Variants in PRKN observed in about 807,000 individuals in gnomAD.
PRKN encodes E3 ubiquitin-protein ligase parkin.
A neutral mutation model predicts 59.5 loss-of-function variants in PRKN; 56 were observed. The observed-to-expected ratio is 0.94, with a 90% CI of 0.76 to 1.18. The LOEUF (loss-of-function observed/expected upper bound fraction) is 1.18. PRKN is among the 50% of genes most tolerant of loss of function. The pLI is 0.00. For missense variants in PRKN, 657 were observed against 596.4 expected (o/e 1.10, Z -1.06); for synonymous variants, 250 against 222.1 (o/e 1.13, Z -1.12).
At chr6:162,528,323 G>GA (rs35973128) in intron 1 of PRKN, among the ~76,000 whole-genome samples, 51,275 of 135,582 alleles carry the variant, frequency 0.38, 10,525 homozygotes, top group Middle Eastern at 0.53. Flanking sequence ...CGTCTCAAAA[G>GA]AAAAAAAAAA....
chr6:161,927,677 A>G (rs1683572090), intron 6 of PRKN, among the ~76,000 whole-genome samples: 1 of 152,164 alleles, frequency 6.6e-6, no homozygotes, highest in Non-Finnish European at 1.5e-5. Flanking sequence ...AGTGGTTACT[A>G]AAAAATTACT....
At position 162,380,607 on chromosome 6, in the gene PRKN, T is replaced by C. The variant is rs1056791240; in HGVS notation, c.171+62703A>G. Among the ~76,000 whole-genome samples, 3 of 150,776 alleles carry C rather than the reference T, an allele frequency of 2.0e-5. No individual in the cohort carries two copies. In the East Asian group the frequency reaches 5.9e-4, roughly 30 times the overall value. ...TTGCACAAAGACACAGGAGAGGTGG[T>C]ATCAAGTAGTGGAAGGAGTTGTGGC... On this transcript the variant is annotated intron_variant, in intron 2 of 11. Transcript: ENST00000366898.
intron 1 of PRKN, among the ~76,000 whole-genome samples, chr6:162,473,730 A>G (rs1225874315): frequency 6.6e-6 from 1 of 152,138 alleles, no homozygotes; most frequent in Non-Finnish European, 1.5e-5. Context: ...GGGACTGTCC[A>G]TATGTGGCTA....
intron 1 of PRKN, among the ~76,000 whole-genome samples, chr6:162,560,878 T>C (rs1779811357): frequency 3.7e-5 from 1 of 27,196 alleles, no homozygotes; most frequent in African/African-American, 1.6e-4. Flanking sequence ...CCCAGGTCAT[T>C]ATAAAACATG....
chr6:162,002,723 A>G (rs1225987586), intron 5 of PRKN, among the ~76,000 whole-genome samples: 1 of 152,004 alleles, frequency 6.6e-6, no homozygotes, highest in African/African-American at 2.4e-5. Flanking sequence ...ATAGAAACTG[A>G]GATGATTTAT....
chr6:162,602,122 AG>A lies in PRKN; in HGVS notation c.7+125539del, dbSNP rs533935697. 5.5e-3 allele frequency among the ~76,000 whole-genome samples: 845 copies of A among 152,320 alleles called. 6 individuals are homozygous for A. Among genetic ancestry groups the A allele is most frequent in the Non-Finnish European group, 9.4e-3 (637 of 68,038 alleles). On this transcript the variant is annotated intron_variant, in intron 1 of 11. Coordinates refer to ENST00000366898, the MANE Select transcript of PRKN (RefSeq NM_004562.3). ...GGACGGGTATCCCCGCATGGTGCCC[AG>A]GGAGCGTGCAGGAGAGAGCACCTCC... is the stretch of plus-strand genomic sequence containing the variant.
intron 7 of PRKN, among the ~76,000 whole-genome samples, chr6:161,730,876 T>C (rs1787676951): frequency 6.6e-6 from 1 of 152,286 alleles, no homozygotes; most frequent in Non-Finnish European, 1.5e-5. Context: ...GCATTCTTTC[T>C]GATATGTTGC....
intron 1 of PRKN, among the ~76,000 whole-genome samples, chr6:162,687,309 C>G (rs952504946): frequency 3.5e-4 from 53 of 151,856 alleles, no homozygotes; most frequent in Admixed American, 9.8e-4. Context: ...CCTCAGCCTC[C>G]CGAGTAGCTG....
chr6:162,592,250 G>A (rs1398844527), intron 1 of PRKN, among the ~76,000 whole-genome samples: 2 of 152,116 alleles, frequency 1.3e-5, no homozygotes. Flanking sequence ...TGCCCGCCTT[G>A]GCCTCCCAAA....
At chr6:162,384,770 A>G (rs1376227252) in intron 2 of PRKN, among the ~76,000 whole-genome samples, 1 of 151,754 alleles carries the variant, frequency 6.6e-6, no homozygotes, top group Non-Finnish European at 1.5e-5. Flanking sequence ...GCATTTCTTT[A>G]AATTGTCTTA....
intron 2 of PRKN, among the ~76,000 whole-genome samples, chr6:162,354,976 T>G (rs1328741558): frequency 1.3e-5 from 2 of 152,040 alleles, no homozygotes; most frequent in Non-Finnish European, 2.9e-5. Context: ...AAAATAATAT[T>G]GTTACTCTCA....
At chr6:161,873,293 A>C (rs9458405) in intron 6 of PRKN, among the ~76,000 whole-genome samples, 96,042 of 151,390 alleles carry the variant, frequency 0.63, 32,154 homozygotes, top group Non-Finnish European at 0.75. Flanking sequence ...CCAGACACTC[A>C]TTCTCGCTCC....
At chr6:161,692,278 A>C (rs764593599) in intron 7 of PRKN, among the ~76,000 whole-genome samples, 3 of 152,226 alleles carry the variant, frequency 2.0e-5, no homozygotes, top group Non-Finnish European at 2.9e-5. Context: ...AAGAGGAAAA[A>C]AAATAGTAAA....
At chr6:162,407,705 A>G (rs1419453523) in intron 2 of PRKN, among the ~76,000 whole-genome samples, 2 of 151,904 alleles carry the variant, frequency 1.3e-5, no homozygotes, top group Admixed American at 6.6e-5. Flanking sequence ...ACACAGTTAC[A>G]GGGTATAAAA....
At chr6:161,703,066 A>C (rs1786321747) in intron 7 of PRKN, among the ~76,000 whole-genome samples, 1 of 151,756 alleles carries the variant, frequency 6.6e-6, no homozygotes, top group African/African-American at 2.4e-5. Flanking sequence ...TTAAAAATGG[A>C]TAAAAAGCAG....
chr6:161,678,568 A>AATTTTT, intron 7 of PRKN, among the ~76,000 whole-genome samples: 1 of 121,448 alleles, frequency 8.2e-6, no homozygotes, highest in Non-Finnish European at 1.6e-5. Context: ...TTGGTGCCTG[A>AATTTTT]TTTTTTTTTT....
At chr6:162,071,250 C>T (rs187774465) in intron 4 of PRKN, among the ~76,000 whole-genome samples, 1 of 149,722 alleles carries the variant, frequency 6.7e-6, no homozygotes, top group African/African-American at 2.4e-5. Context: ...CAGCACCAAA[C>T]ACCTTCCTAG....
At position 161,386,446 on chromosome 6, in the gene PRKN, A is replaced by G. The variant is rs1453416814; in HGVS notation, c.1167+348T>C. ...GAGATTCTAAACTAGGGCATTAAAA[A>G]CATTGAAGTAGACTTAGTATGGATT... On this transcript the variant is annotated intron_variant, in intron 10 of 11. Coordinates refer to ENST00000366898, the MANE Select transcript of PRKN (RefSeq NM_004562.3). This position sits in a 1 kb window ranked among gnomAD's most constrained non-coding sequence, Gnocchi z 4.3. 1.3e-5 allele frequency among the ~76,000 whole-genome samples: 2 copies of G among 152,212 alleles called. No homozygotes were observed. Among genetic ancestry groups the G allele is most frequent in the African/African-American group, 4.8e-5 (2 of 41,464 alleles).
At chr6:162,704,964 T>C (rs970306627) in intron 1 of PRKN, among the ~76,000 whole-genome samples, 10 of 152,234 alleles carry the variant, frequency 6.6e-5, no homozygotes, top group African/African-American at 2.2e-4. Flanking sequence ...ATTTTAAAAA[T>C]ATAAGAAGTG....
Sources: gnomAD v4.1 joint callset for allele counts (sites outside exome capture counted in the v4.1 genomes callset) on GRCh38, gnomAD v4.1.1 for gene constraint, Gnocchi (gnomAD v3.1) non-coding constraint, MANE v1.5 for transcripts, NCBI Gene and HGNC (gene_info 2026-07-23, HGNC 2026-07-21) for gene names.